Variants in MTUS2 observed in about 807,000 individuals in gnomAD.
MTUS2 encodes microtubule-associated tumor suppressor candidate 2.
A neutral mutation model predicts 114.1 loss-of-function variants in MTUS2; 40 were observed. That is an observed-to-expected ratio of 0.35 (90% CI 0.27 to 0.46). The LOEUF (loss-of-function observed/expected upper bound fraction) is 0.46. Among genes scored for constraint, MTUS2 ranks in the 20% least tolerant of loss-of-function variants. The pLI is 1.00. For synonymous variants in MTUS2, 688 were observed against 672.0 expected, an observed-to-expected ratio of 1.02 and a Z score of -0.37; for missense variants, 1,679 against 1,705.4, an observed-to-expected ratio of 0.98 and a Z score of 0.27.
At chr13:29,209,275 A>C (rs1467490256) in intron 5 of MTUS2, among the ~76,000 whole-genome samples, 6 of 152,164 alleles carry the variant, frequency 3.9e-5, no homozygotes, top group Non-Finnish European at 5.9e-5. Flanking sequence ...TTTGCATGGA[A>C]TATCTTTTTC....
intron 8 of MTUS2, among the ~76,000 whole-genome samples, chr13:29,362,673 G>A (rs895205090): frequency 6.6e-6 from 1 of 151,862 alleles, no homozygotes; most frequent in Non-Finnish European, 1.5e-5. Context: ...GGTGACAGAG[G>A]GAGACTCCAT....
intron 9 of MTUS2, among the ~76,000 whole-genome samples, chr13:29,470,562 C>A (rs1880211008): frequency 6.6e-6 from 1 of 152,230 alleles, no homozygotes; most frequent in African/African-American, 2.4e-5. Context: ...GATTGCCTCG[C>A]TTCCATCCTT....
intron 5 of MTUS2, among the ~76,000 whole-genome samples, chr13:29,241,661 A>G (rs972310815): frequency 8.5e-5 from 13 of 152,308 alleles, no homozygotes; most frequent in African/African-American, 2.6e-4. Context: ...TGTTCTTGCA[A>G]GTTCATCAAG....
chr13:29,187,382 C>T (rs1019424288), intron 5 of MTUS2, among the ~76,000 whole-genome samples: 3 of 151,994 alleles, frequency 2.0e-5, no homozygotes, highest in Non-Finnish European at 4.4e-5. Context: ...AAAGAGAAGA[C>T]TCAAATGACT....
chr13:29,323,176 T>C (rs576923741), intron 6 of MTUS2, among the ~76,000 whole-genome samples: 1 of 152,270 alleles, frequency 6.6e-6, no homozygotes, highest in African/African-American at 2.4e-5. Context: ...GTGGCTAAAC[T>C]TGTAACAATC....
At chr13:29,067,358 C>T (rs1888710659) in intron 4 of MTUS2, among the ~76,000 whole-genome samples, 1 of 152,000 alleles carries the variant, frequency 6.6e-6, no homozygotes, top group African/African-American at 2.4e-5. Context: ...AGTGGGGAGA[C>T]ACCAGGAAAA....
chr13:29,371,218 ACC>A (rs58312532), intron 8 of MTUS2, among the ~76,000 whole-genome samples: 10,202 of 101,310 alleles, frequency 0.1, 589 homozygotes, highest in African/African-American at 0.21. Flanking sequence ...CACATTAACC[ACC>A]CCCCCCCCCT....
At chr13:28,856,398 G>C (rs1876631333) in intron 2 of MTUS2, among the ~76,000 whole-genome samples, 1 of 152,206 alleles carries the variant, frequency 6.6e-6, no homozygotes, top group South Asian at 2.1e-4. Context: ...AATGTGGGAT[G>C]CATGCTCAGT....
intron 13 of MTUS2, 68 bp downstream of exon 13, chr13:29,497,404 C>T (rs1660283207): frequency 7.2e-7 from 1 of 1,385,108 alleles, no homozygotes; most frequent in Non-Finnish European, 1.0e-6. Flanking sequence ...GGGACTCCCT[C>T]AGCAGTCTCG....
intron 6 of MTUS2, among the ~76,000 whole-genome samples, chr13:29,305,208 A>G (rs1246696297): frequency 1.3e-5 from 2 of 152,206 alleles, no homozygotes; most frequent in Non-Finnish European, 2.9e-5. Flanking sequence ...TTAACAACCT[A>G]ACATCTCAAA....
intron 7 of MTUS2, among the ~76,000 whole-genome samples, chr13:29,339,056 C>G (rs1901236337): frequency 6.6e-6 from 1 of 152,108 alleles, no homozygotes; most frequent in Non-Finnish European, 1.5e-5. Flanking sequence ...GAGAAGGTGG[C>G]AGGGCCCTGA....
intron 9 of MTUS2, among the ~76,000 whole-genome samples, chr13:29,463,803 A>G (rs1311398736): frequency 6.6e-6 from 1 of 152,218 alleles, no homozygotes; most frequent in African/African-American, 2.4e-5. Flanking sequence ...GTTCCAGACC[A>G]GCCTGGCCAA....
intron 5 of MTUS2, among the ~76,000 whole-genome samples, chr13:29,202,832 C>T (rs900305445): frequency 9.9e-5 from 15 of 152,182 alleles, no homozygotes; most frequent in African/African-American, 2.7e-4. Flanking sequence ...GTATCACCAG[C>T]GGAGGCTGCA....
At chr13:29,349,930 G>T (rs1256833966) in intron 7 of MTUS2, among the ~76,000 whole-genome samples, 2 of 151,948 alleles carry the variant, frequency 1.3e-5, no homozygotes, top group Admixed American at 6.6e-5. Context: ...AGGGTGTTTT[G>T]TCCATTGTTT....
At chr13:28,950,154 C>T (rs327132) in intron 2 of MTUS2, among the ~76,000 whole-genome samples, 129,429 of 152,188 alleles carry the variant, frequency 0.85, 57,150 homozygotes, top group South Asian at 0.99. Context: ...CTTATGGGTA[C>T]CCGGTGACAT....
chr13:28,982,270 C>T (rs1237236656), intron 2 of MTUS2, among the ~76,000 whole-genome samples: 1 of 151,770 alleles, frequency 6.6e-6, no homozygotes. Flanking sequence ...GAATGCTCAA[C>T]ATCACTAGTC....
chr13:29,381,474 G>T (rs1308092414), intron 8 of MTUS2, among the ~76,000 whole-genome samples: 1 of 152,058 alleles, frequency 6.6e-6, no homozygotes, highest in South Asian at 2.1e-4. Flanking sequence ...ATTTTTATTT[G>T]CTAACATTTA....
chr13:29,332,042 AGGT>A (rs1900804967), intron 7 of MTUS2, among the ~76,000 whole-genome samples: 1 of 152,160 alleles, frequency 6.6e-6, no homozygotes, highest in Non-Finnish European at 1.5e-5. Flanking sequence ...TGTCTCTGAC[AGGT>A]TTTGATATCA....
chr13:28,859,778 T>C (rs750646289), intron 2 of MTUS2, among the ~76,000 whole-genome samples: 4 of 151,950 alleles, frequency 2.6e-5, no homozygotes, highest in Admixed American at 6.6e-5. Flanking sequence ...TATGGGAGAT[T>C]TGTATGTTGT....
Sources: allele counts gnomAD v4.1 joint callset (sites outside exome capture counted in the v4.1 genomes callset), GRCh38; gene constraint gnomAD v4.1.1; transcripts MANE v1.5; gene names NCBI Gene and HGNC (gene_info 2026-07-23, HGNC 2026-07-21).